The following DLC1 variants were observed in gnomAD, a reference collection of about 807,000 sequenced individuals.
DLC1 encodes DLC1 Rho GTPase activating protein.
A neutral mutation model predicts 140.3 loss-of-function variants in DLC1; 54 were observed. The ratio of observed to expected loss-of-function variants is 0.38; its 90% CI spans 0.31 to 0.48. The LOEUF is 0.48. DLC1 is among the 20% of genes least tolerant of loss of function. The pLI is 0.96. For missense variants in DLC1, 2,536 were observed against 1,907.0 expected (o/e 1.33, Z -6.14); for synonymous variants, 986 against 728.1 (o/e 1.35, Z -5.70).
At chr8:13,590,077 A>ATATATATATATATATATATATATATATAT (rs11272767) in intron 1 of DLC1, among the ~76,000 whole-genome samples, 4 of 145,274 alleles carry the variant, frequency 2.8e-5, no homozygotes, top group African/African-American at 7.9e-5. Context: ...ATATATATAT[A>ATATATATATATATATATATATATATATAT]CAAACACATG....
intron 5 of DLC1, among the ~76,000 whole-genome samples, chr8:13,210,560 CA>C (rs1183544398): frequency 6.6e-6 from 1 of 152,122 alleles, no homozygotes; most frequent in Non-Finnish European, 1.5e-5. Flanking sequence ...GTCTATCTTT[CA>C]AAAACCTTTT....
intron 4 of DLC1, among the ~76,000 whole-genome samples, chr8:13,321,300 A>C (rs958539902): frequency 4.6e-5 from 7 of 152,082 alleles, no homozygotes; most frequent in African/African-American, 1.7e-4. Context: ...AGCACTTTGC[A>C]AGGCTGTAGT....
intron 4 of DLC1, among the ~76,000 whole-genome samples, chr8:13,329,325 T>C (rs976349789): frequency 9.9e-5 from 15 of 152,104 alleles, no homozygotes; most frequent in African/African-American, 3.1e-4. Flanking sequence ...AAAATGATAA[T>C]ATTGGTCCAG....
intron 4 of DLC1, among the ~76,000 whole-genome samples, chr8:13,390,294 G>T (rs959732228): frequency 6.6e-6 from 1 of 152,108 alleles, no homozygotes; most frequent in Non-Finnish European, 1.5e-5. Flanking sequence ...AAAGGACATG[G>T]TCTCATTCCT....
chr8:13,565,554 C>G (rs960248960), intron 1 of DLC1, among the ~76,000 whole-genome samples: 8 of 152,260 alleles, frequency 5.3e-5, no homozygotes, highest in African/African-American at 1.9e-4. Context: ...TTGGAGTCTC[C>G]TTATCTTCAA....
chr8:13,434,175 C>A (rs536562530), intron 2 of DLC1, among the ~76,000 whole-genome samples: 1 of 152,318 alleles, frequency 6.6e-6, no homozygotes, highest in African/African-American at 2.4e-5. Context: ...CTGCGCCCAG[C>A]CACAATCATG....
intron 4 of DLC1, among the ~76,000 whole-genome samples, chr8:13,356,897 C>T (rs1470105136): frequency 6.6e-6 from 1 of 151,134 alleles, no homozygotes; most frequent in Non-Finnish European, 1.5e-5. Context: ...TTACTTCACC[C>T]TTAAGATGTT....
chr8:13,188,419 C>CAA (rs1178090798), intron 5 of DLC1, among the ~76,000 whole-genome samples: 79 of 58,918 alleles, frequency 1.3e-3, no homozygotes, highest in East Asian at 2.2e-3. Flanking sequence ...GACTCCGTCT[C>CAA]AAAAAAAAAA....
At chr8:13,196,266 C>T (rs1487016618) in intron 5 of DLC1, among the ~76,000 whole-genome samples, 2 of 152,088 alleles carry the variant, frequency 1.3e-5, no homozygotes, top group African/African-American at 2.4e-5. Flanking sequence ...AATGATAATA[C>T]AAGTATGCTA....
chr8:13,095,204 T>C lies in DLC1; in HGVS notation c.3209A>G (p.Tyr1070Cys). 3 of 1,614,254 alleles carry C rather than the reference T, an allele frequency of 1.9e-6. No individual in the cohort carries two copies. Among genetic ancestry groups the C allele is most frequent in the South Asian group, 2.2e-5 (2 of 91,086 alleles). Residue 1070 changes from tyrosine to cysteine, a missense_variant, in exon 11 of 18, where the codon TAC becomes TGC. Physicochemically the swap from Tyr to Cys is radical, Grantham distance 194. Coordinates refer to ENST00000276297, the MANE Select transcript of DLC1 (RefSeq NM_182643.3). ...GACCCCAAACACACTCCGGTCCTTG[T>C]AGTCTGGAACCTTGATCCTCTTCAT... Reference protein sequence around the residue: ...KFMKRIKVPDYKDRSVFGVPL... With the variant: ...KFMKRIKVPDCKDRSVFGVPL...
intron 4 of DLC1, among the ~76,000 whole-genome samples, chr8:13,347,998 A>G (rs933946034): frequency 6.6e-6 from 1 of 152,148 alleles, no homozygotes; most frequent in Non-Finnish European, 1.5e-5. Flanking sequence ...TGGAGGCAGG[A>G]GAATGGCGTG....
chr8:13,100,236 C>T lies in DLC1; in HGVS notation c.2101G>A (p.Glu701Lys), dbSNP rs1818930168. 1.2e-6 allele frequency: 2 copies of T among 1,614,190 alleles called. No individual in the cohort carries two copies. Among genetic ancestry groups the T allele is most frequent in the East Asian group, 2.2e-5 (1 of 44,872 alleles). The change falls in exon 9 of 18, where the codon GAG becomes AAG. Residue 701 changes from glutamate (E) to lysine (K), a missense_variant. By Grantham distance (56) the Glu-to-Lys change is moderately conservative. Coordinates refer to ENST00000276297, the MANE Select transcript of DLC1 (RefSeq NM_182643.3). ...TTCAGCTTCTCCTCATCCATCCCCT[C>T]TTGCAAGATGGGCCCGCTGATGATC... Reference protein sequence around the residue: ...GLIISGPILQEGMDEEKLKQL... With the variant: ...GLIISGPILQKGMDEEKLKQL...
intron 5 of DLC1, among the ~76,000 whole-genome samples, chr8:13,271,317 C>G (rs138627163): frequency 1.7e-3 from 253 of 152,296 alleles, no homozygotes; most frequent in African/African-American, 5.9e-3. Flanking sequence ...TTGCTTTTCA[C>G]TGTGAACCAA....
At chr8:13,444,571 A>C (rs1798693103) in intron 2 of DLC1, among the ~76,000 whole-genome samples, 7 of 152,366 alleles carry the variant, frequency 4.6e-5, no homozygotes, top group Admixed American at 4.6e-4. Flanking sequence ...AAAGAACATT[A>C]GTATAATTTT....
At chr8:13,287,846 T>C (rs1443875104) in intron 5 of DLC1, among the ~76,000 whole-genome samples, 2 of 151,696 alleles carry the variant, frequency 1.3e-5, no homozygotes, top group Non-Finnish European at 1.5e-5. Context: ...AAGTGTAAAA[T>C]ATAATTATTA....
At chr8:13,397,030 G>A (rs538631683) in intron 3 of DLC1, among the ~76,000 whole-genome samples, 64 of 151,242 alleles carry the variant, frequency 4.2e-4, no homozygotes, top group African/African-American at 1.5e-3. Flanking sequence ...TATGCCTCCA[G>A]TTATGCCATT....
intron 5 of DLC1, among the ~76,000 whole-genome samples, chr8:13,253,285 A>G (rs1245983882): frequency 1.3e-5 from 2 of 152,224 alleles, no homozygotes; most frequent in African/African-American, 4.8e-5. Flanking sequence ...TGTTCTTGGT[A>G]ATTTTCTTTG....
At chr8:13,402,778 A>T (rs1837356992) in intron 2 of DLC1, among the ~76,000 whole-genome samples, 2 of 152,052 alleles carry the variant, frequency 1.3e-5, no homozygotes, top group South Asian at 2.1e-4. Context: ...CATTTTTTTA[A>T]TTTTTTGCCA....
chr8:13,420,438 C>A (rs1322144503), intron 2 of DLC1, among the ~76,000 whole-genome samples: 1 of 152,072 alleles, frequency 6.6e-6, no homozygotes, highest in African/African-American at 2.4e-5. Flanking sequence ...CATGTGCAAA[C>A]TTGCAGGTTT....
Sources: allele counts gnomAD v4.1 joint callset (sites outside exome capture counted in the v4.1 genomes callset), GRCh38; gene constraint gnomAD v4.1.1; transcripts MANE v1.5; gene names NCBI Gene and HGNC (gene_info 2026-07-23, HGNC 2026-07-21).